PCDHGA4: variants seen among roughly 807,000 people sequenced by gnomAD.
PCDHGA4 encodes protocadherin gamma subfamily A, 4, also known as protocadherin gamma-A4.
PCDHGA4 carries 38 observed loss-of-function variants against 54.6 expected under a neutral mutation model. The observed-to-expected ratio is 0.70, with a 90% CI of 0.54 to 0.91. The LOEUF (loss-of-function observed/expected upper bound fraction) is 0.91. Ranked by LOEUF, PCDHGA4 falls within the 40% of genes least tolerant of loss-of-function variation. The probability of loss-of-function intolerance (pLI) is 0.00; values close to 1 mark genes in which losing one functional copy is unlikely to be tolerated. For synonymous variants in PCDHGA4, 511 were observed against 512.9 expected, an observed-to-expected ratio of 1.00 and a Z score of 0.05; for missense variants, 1,298 against 1,220.9, an observed-to-expected ratio of 1.06 and a Z score of -0.94.
Position 141,385,179 on chromosome 5 carries a change from C to T in PCDHGA4, c.2514+27558C>T, listed in dbSNP as rs1270655942. The T allele has an allele frequency of 7.4e-6, 12 of 1,614,194 alleles. No homozygotes were observed. In the South Asian group the frequency reaches 1.2e-4, roughly 16 times the overall value. On this transcript the variant is annotated intron_variant, in intron 1 of 3. Transcript: ENST00000571252. ...CCTATTCCCATGAGGTCTCCCTCAC[C>T]GCGGACTCTCGGAAGAGTCACCTGA...
At chr5:141,417,532 T>TA (rs1457524771) in intron 1 of PCDHGA4, 17 of 284,868 alleles carry the variant, frequency 6.0e-5, no homozygotes, top group Non-Finnish European at 8.4e-5. Context: ...ACTCGTAGTT[T>TA]AAAAAAAATT....
chr5:141,374,959 C>T, intron 1 of PCDHGA4: 1 of 1,614,014 alleles, frequency 6.2e-7, no homozygotes, highest in Non-Finnish European at 8.5e-7. Context: ...CACAAATTTT[C>T]TGTTTGAATG....
Position 141,490,027 on chromosome 5 carries a change from CG to C in PCDHGA4, c.2515-4779del. The C allele has an allele frequency of 6.2e-7, 1 of 1,614,214 alleles. No individual in the cohort carries two copies. Among genetic ancestry groups the C allele is most frequent in the Admixed American group, 1.7e-5 (1 of 60,032 alleles). On this transcript the variant is annotated intron_variant, in intron 1 of 3. Transcript: ENST00000571252. The surrounding 1 kb of genome is among the most constrained non-coding windows in gnomAD (Gnocchi z 5.4). Reference sequence around the variant, plus strand: ...TGCACCCATTGGTACTCTGCTGCTCCGCCTCAATGCCACTGATCCAGACGAG... The same window carrying C: ...TGCACCCATTGGTACTCTGCTGCTCCCCTCAATGCCACTGATCCAGACGAG...
Position 141,400,379 on chromosome 5 carries a change from G to C in PCDHGA4, c.2514+42758G>C, listed in dbSNP as rs759135733. 3 of 1,613,922 alleles carry C rather than the reference G, an allele frequency of 1.9e-6. No homozygotes were observed. The East Asian group carries it at 6.7e-5, about 36-fold the overall frequency. ...ACTTTGCCTTATTCCTACAACCTAT[G>C]TGTTGCACATACAGGAAAGACGGAG... On this transcript the variant is annotated intron_variant, in intron 1 of 3. Coordinates refer to ENST00000571252, the MANE Select transcript of PCDHGA4 (RefSeq NM_018917.4).
intron 1 of PCDHGA4, among the ~76,000 whole-genome samples, chr5:141,424,964 A>G (rs62378457): frequency 0.11 from 16,148 of 152,126 alleles, 960 homozygotes; most frequent in African/African-American, 0.17. Flanking sequence ...ATTTGCCCCA[A>G]ATTACTTGGA....
chr5:141,366,358 C>G (rs746214325), intron 1 of PCDHGA4: 8 of 1,614,016 alleles, frequency 5.0e-6, no homozygotes, highest in Non-Finnish European at 6.8e-6. Context: ...CTGACCTAGG[C>G]AGTATCAAGA....
At position 141,485,069 on chromosome 5, in the gene PCDHGA4, G is replaced by A. The variant is rs1185236732; in HGVS notation, c.2515-9738G>A. 1.1e-6 allele frequency: 1 copy of A among 905,912 alleles called. No homozygotes were observed. Among genetic ancestry groups the A allele is most frequent in the Non-Finnish European group, 1.7e-6 (1 of 577,940 alleles). The allele number at this position is 905,912 out of a possible 1,614,324, so 56.1% of individuals were successfully genotyped here. A position where few individuals can be genotyped will look rare whatever the true frequency, so the allele number is the denominator to read the frequency against. On this transcript the variant is annotated intron_variant, in intron 1 of 3. Coordinates refer to ENST00000571252, the MANE Select transcript of PCDHGA4 (RefSeq NM_018917.4). This position sits in a 1 kb window ranked among gnomAD's most constrained non-coding sequence, Gnocchi z 5.7. ...GCGCCGGCCGAACCGCGCCAGAGCTGGCGCGGGGAAAGGGAGATAGGTGTC... is the reference window on the plus strand; with the variant it reads ...GCGCCGGCCGAACCGCGCCAGAGCTAGCGCGGGGAAAGGGAGATAGGTGTC...
At chr5:141,366,240 C>T (rs750277167) in intron 1 of PCDHGA4, 11 of 1,613,680 alleles carry the variant, frequency 6.8e-6, no homozygotes, top group African/African-American at 5.3e-5. Flanking sequence ...GACAGAGACG[C>T]GCTCAAGCAG....
At chr5:141,375,602 A>G (rs1237264318) in intron 1 of PCDHGA4, 5 of 1,614,120 alleles carry the variant, frequency 3.1e-6, no homozygotes, top group African/African-American at 1.3e-5. Flanking sequence ...CTACGTGTCC[A>G]TCAACTCCGA....
At chr5:141,458,413 G>A (rs138479316) in intron 1 of PCDHGA4, among the ~76,000 whole-genome samples, 1 of 152,196 alleles carries the variant, frequency 6.6e-6, no homozygotes, top group East Asian at 1.9e-4. Context: ...CGGAGCGGGG[G>A]TTCCAAAGCT....
At chr5:141,365,560 GGACAGAGAAGA>G in intron 1 of PCDHGA4, 1 of 1,613,652 alleles carries the variant, frequency 6.2e-7, no homozygotes, top group Non-Finnish European at 8.5e-7. Context: ...CTAGGGACCT[GGACAGAGAAGA>G]GACTTCAGAT....
At position 141,409,702 on chromosome 5, in the gene PCDHGA4, G is replaced by T. The variant is rs545411022; in HGVS notation, c.2514+52081G>T. The T allele has an allele frequency of 1.9e-6, 3 of 1,613,226 alleles. No individual in the cohort carries two copies. The East Asian group carries it at 6.7e-5, about 36-fold the overall frequency. ...TGGCGAGTGACCTAGAGCCCCTGGC[G>T]GTGTCGTCATACGTGTCAGTGAGCG... On this transcript the variant is annotated intron_variant, in intron 1 of 3. Coordinates refer to ENST00000571252, the MANE Select transcript of PCDHGA4 (RefSeq NM_018917.4).
intron 1 of PCDHGA4, chr5:141,384,772 G>A: frequency 6.2e-7 from 1 of 1,613,920 alleles, no homozygotes. Flanking sequence ...GTACACGGGC[G>A]AGGTGCGCAC....
intron 1 of PCDHGA4, chr5:141,415,799 C>T (rs1037967294): frequency 5.2e-6 from 7 of 1,335,782 alleles, no homozygotes; most frequent in Non-Finnish European, 6.7e-6. Context: ...CACCTAGTCT[C>T]AATCAAGGCC....
rs1196083589 is a variant in PCDHGA4, at chr5:141,486,525, A to G, written c.2515-8282A>G. On this transcript the variant is annotated intron_variant, in intron 1 of 3. Coordinates refer to ENST00000571252, the MANE Select transcript of PCDHGA4 (RefSeq NM_018917.4). This position sits in a 1 kb window ranked among gnomAD's most constrained non-coding sequence, Gnocchi z 5.0. ...CTCAATATTTCAGATGTGAATGATA[A>G]TCCACCCTCTTTCTTTCAGAGGTCA... 1 of 1,614,158 alleles carries G rather than the reference A, an allele frequency of 6.2e-7. No individual in the cohort carries two copies. Among genetic ancestry groups the G allele is most frequent in the African/African-American group, 1.3e-5 (1 of 75,054 alleles).
At chr5:141,469,700 T>TA (rs1483261429) in intron 1 of PCDHGA4, among the ~76,000 whole-genome samples, 1 of 152,272 alleles carries the variant, frequency 6.6e-6, no homozygotes, top group African/African-American at 2.4e-5. Context: ...TATGACCTAG[T>TA]AATCACACTA....
chr5:141,399,373 GT>G, intron 1 of PCDHGA4: 1 of 1,613,982 alleles, frequency 6.2e-7, no homozygotes. Context: ...GGAGTACAAT[GT>G]CACCATCACA....
At chr5:141,436,211 C>T (rs12108692) in intron 1 of PCDHGA4, among the ~76,000 whole-genome samples, 2,997 of 152,100 alleles carry the variant, frequency 0.02, 43 homozygotes, top group African/African-American at 0.029. Flanking sequence ...AATAGGAAAA[C>T]AAATGACTTG....
chr5:141,477,043 G>A lies in PCDHGA4; in HGVS notation c.2515-17764G>A. The A allele has an allele frequency of 6.2e-7, 1 of 1,614,260 alleles. No individual in the cohort carries two copies. Among genetic ancestry groups the A allele is most frequent in the Middle Eastern group, 1.6e-4 (1 of 6,062 alleles). On this transcript the variant is annotated intron_variant, in intron 1 of 3. Coordinates refer to ENST00000571252, the MANE Select transcript of PCDHGA4 (RefSeq NM_018917.4). This position sits in a 1 kb window ranked among gnomAD's most constrained non-coding sequence, Gnocchi z 4.9. The stretch of plus-strand genomic sequence containing the variant: ...CCGGGATGCTGACAATCAAGGGTCG[G>A]CTGGACTTCGAGGACACCAAACTCC...
Sources: allele counts gnomAD v4.1 joint callset (sites outside exome capture counted in the v4.1 genomes callset), GRCh38; gene constraint gnomAD v4.1.1; non-coding constraint Gnocchi (gnomAD v3.1); transcripts MANE v1.5; gene names NCBI Gene and HGNC (gene_info 2026-07-23, HGNC 2026-07-21).